Variants in SYT16 observed in about 807,000 individuals in gnomAD.
The protein encoded by SYT16 is synaptotagmin 16.
SYT16 carries 42 observed loss-of-function variants against 61.4 expected under a neutral mutation model. The ratio of observed to expected loss-of-function variants is 0.68; its 90% CI spans 0.53 to 0.89. SYT16 has a LOEUF of 0.89. SYT16 is among the 40% of genes least tolerant of loss of function. SYT16 has a pLI of 0.00. For synonymous variants in SYT16, 314 were observed against 302.3 expected (o/e 1.04, Z -0.40); for missense variants, 804 against 807.3 (o/e 1.00, Z 0.05).
chr14:61,833,663 A>G (rs1223732212), intron 1 of SYT16, among the ~76,000 whole-genome samples: 2 of 145,876 alleles, frequency 1.4e-5, no homozygotes, highest in Admixed American at 1.4e-4. Context: ...TGTGATCCCA[A>G]AGTGCTGGGA....
chr14:62,076,140 T>G (rs1307053974), intron 5 of SYT16, among the ~76,000 whole-genome samples: 3 of 152,218 alleles, frequency 2.0e-5, no homozygotes, highest in African/African-American at 7.2e-5. Flanking sequence ...TGCCAGGCAC[T>G]GTGATAAGGA....
Position 61,961,081 on chromosome 14 carries a change from C to T in SYT16, c.-324-9051C>T, listed in dbSNP as rs117419518. On this transcript the variant is annotated intron_variant, in intron 1 of 7. Coordinates refer to ENST00000683842, the MANE Select transcript of SYT16 (RefSeq NM_001367656.1). ...GCTAGCCATGTGCAGGAAATTAAAA[C>T]GGGACACCTTCTTTACACCATATAC... 9.9e-3 allele frequency among the ~76,000 whole-genome samples: 1,507 copies of T among 152,224 alleles called. 18 individuals carry two copies. Among genetic ancestry groups the T allele is most frequent in the African/African-American group, 0.034 (1,396 of 41,544 alleles).
intron 3 of SYT16, among the ~76,000 whole-genome samples, chr14:62,064,965 C>A (rs1180332896): frequency 6.6e-6 from 1 of 152,182 alleles, no homozygotes; most frequent in Non-Finnish European, 1.5e-5. Flanking sequence ...CATTTTTAGA[C>A]TGAGAATTCC....
chr14:61,999,702 CCT>C (rs1447843869), intron 3 of SYT16, among the ~76,000 whole-genome samples: 1 of 151,208 alleles, frequency 6.6e-6, no homozygotes, highest in Non-Finnish European at 1.5e-5. Context: ...TATAATTTTC[CCT>C]CTCAGCAATG....
At chr14:62,092,914 GA>G (rs1184098938) in intron 7 of SYT16, among the ~76,000 whole-genome samples, 4 of 151,870 alleles carry the variant, frequency 2.6e-5, no homozygotes, top group African/African-American at 9.7e-5. Context: ...TTTTAAAATT[GA>G]AAAAAATACA....
rs2050773106 is a variant in SYT16 at position 61,954,014 on chromosome 14, T to C, written c.-324-16118T>C. Among the ~76,000 whole-genome samples, 5 of 152,300 alleles carry C rather than the reference T, an allele frequency of 3.3e-5. 1 individual carries two copies. The South Asian group carries it at 1.0e-3, about 32-fold the overall frequency. On this transcript the variant is annotated intron_variant, in intron 1 of 7. Transcript: ENST00000683842. ...GATGAGTGAAACTGAGGTTATTTCA[T>C]TGGAAGGAGAACTTTCAGGTTAATG... is the stretch of plus-strand genomic sequence containing the variant.
At chr14:62,024,181 G>A (rs1412337232) in intron 3 of SYT16, among the ~76,000 whole-genome samples, 1 of 152,064 alleles carries the variant, frequency 6.6e-6, no homozygotes. Context: ...TTTGGACAAA[G>A]GTGGAAGAGA....
At chr14:62,089,318 CAAA>C (rs11370731) in intron 7 of SYT16, among the ~76,000 whole-genome samples, 2 of 140,276 alleles carry the variant, frequency 1.4e-5, no homozygotes, top group South Asian at 2.3e-4. Flanking sequence ...GATTCCATCT[CAAA>C]AAAAAAAAAA....
chr14:62,099,034 T>C (rs1007431566), intron 7 of SYT16, among the ~76,000 whole-genome samples: 2 of 152,090 alleles, frequency 1.3e-5, no homozygotes, highest in African/African-American at 4.8e-5. Context: ...GGAAGTTCAA[T>C]GTAGTAGAAT....
At chr14:62,051,272 T>G (rs1250326554) in intron 3 of SYT16, among the ~76,000 whole-genome samples, 2 of 152,218 alleles carry the variant, frequency 1.3e-5, no homozygotes, top group Admixed American at 1.3e-4. Context: ...CTCCGAGCCA[T>G]GTGCGGGATA....
intron 1 of SYT16, among the ~76,000 whole-genome samples, chr14:61,921,313 G>C (rs577397861): frequency 6.6e-6 from 1 of 152,262 alleles, no homozygotes; most frequent in South Asian, 2.1e-4. Context: ...TTTGCCTCTT[G>C]AATCAGGTCT....
chr14:61,904,760 C>G (rs1192102651), intron 1 of SYT16, among the ~76,000 whole-genome samples: 1 of 152,182 alleles, frequency 6.6e-6, no homozygotes, highest in African/African-American at 2.4e-5. Context: ...ATTGACTAAG[C>G]CTTTGGCCCA....
intron 1 of SYT16, among the ~76,000 whole-genome samples, chr14:61,863,585 C>T (rs922874177): frequency 6.6e-6 from 1 of 152,218 alleles, no homozygotes; most frequent in Non-Finnish European, 1.5e-5. Flanking sequence ...ACTTGACTTT[C>T]TCTTTCACAG....
chr14:61,870,652 T>G (rs913009066), intron 1 of SYT16, among the ~76,000 whole-genome samples: 1 of 152,172 alleles, frequency 6.6e-6, no homozygotes, highest in Admixed American at 6.5e-5. Context: ...AAAGTCTTTT[T>G]ACTCTGTGTG....
intron 1 of SYT16, among the ~76,000 whole-genome samples, chr14:61,951,556 G>C (rs772785026): frequency 3.3e-5 from 5 of 152,122 alleles, no homozygotes; most frequent in Non-Finnish European, 7.4e-5. Flanking sequence ...GTTTTGGAGA[G>C]TTGAAGAAAG....
intron 1 of SYT16, among the ~76,000 whole-genome samples, chr14:61,943,771 A>G (rs963618647): frequency 4.6e-5 from 7 of 152,216 alleles, no homozygotes; most frequent in African/African-American, 1.4e-4. Flanking sequence ...CCCACAGCCA[A>G]TGTCATATTG....
At chr14:61,969,193 T>G (rs1017801806) in intron 1 of SYT16, among the ~76,000 whole-genome samples, 28 of 152,120 alleles carry the variant, frequency 1.8e-4, no homozygotes, top group Admixed American at 1.5e-3. Context: ...GGAGATTCAT[T>G]TTCATAAGCG....
intron 2 of SYT16, among the ~76,000 whole-genome samples, chr14:61,987,025 A>G (rs1349223776): frequency 2.0e-5 from 3 of 152,334 alleles, no homozygotes; most frequent in South Asian, 4.1e-4. Flanking sequence ...TAGGTCATCA[A>G]TAAGCTACAA....
intron 3 of SYT16, among the ~76,000 whole-genome samples, chr14:62,060,467 A>T (rs2140916335): frequency 6.6e-6 from 1 of 151,682 alleles, no homozygotes; most frequent in Admixed American, 6.6e-5. Flanking sequence ...GATTCCCTAC[A>T]CTCCTTTTCT....
Sources: allele counts gnomAD v4.1 joint callset (sites outside exome capture counted in the v4.1 genomes callset), GRCh38; gene constraint gnomAD v4.1.1; transcripts MANE v1.5; gene names NCBI Gene and HGNC (gene_info 2026-07-23, HGNC 2026-07-21).